CLASP1: variants seen among roughly 807,000 people sequenced by gnomAD.
The protein encoded by CLASP1 is cytoplasmic linker associated protein 1, also known as CLIP-associating protein 1.
Under a neutral mutation model 192.3 loss-of-function variants are expected in CLASP1, and 38 were observed. The ratio of observed to expected loss-of-function variants is 0.20; its 90% CI spans 0.15 to 0.26. CLASP1 has a LOEUF of 0.26. Ranked by LOEUF, CLASP1 falls within the 10% of genes least tolerant of loss-of-function variation. CLASP1 has a pLI of 1.00. For synonymous variants in CLASP1, 691 were observed against 712.8 expected, an observed-to-expected ratio of 0.97 and a Z score of 0.49; for missense variants, 1,433 against 1,932.5, an observed-to-expected ratio of 0.74 and a Z score of 4.85.
chr2:121,427,244 A>T (rs1233082042), intron 21 of CLASP1, among the ~76,000 whole-genome samples, 160 bp downstream of exon 21: 4 of 152,318 alleles, frequency 2.6e-5, no homozygotes, highest in Admixed American at 1.3e-4. Context: ...AGGGGAAAGA[A>T]ATCCATTTCA....
At chr2:121,448,859 C>G in intron 17 of CLASP1, 94 bp downstream of exon 17, 2 of 1,262,020 alleles carry the variant, frequency 1.6e-6, no homozygotes, top group Non-Finnish European at 2.2e-6. Context: ...TAACAAGCAC[C>G]CATGTAAAAA....
At chr2:121,641,576 C>G (rs111754436) in intron 1 of CLASP1, among the ~76,000 whole-genome samples, 1 of 152,086 alleles carries the variant, frequency 6.6e-6, no homozygotes, top group African/African-American at 2.4e-5. Flanking sequence ...GATTGGAAAC[C>G]AAGGAAGTAA....
chr2:121,471,040 T>C (rs1267839093), intron 8 of CLASP1, among the ~76,000 whole-genome samples: 1 of 152,218 alleles, frequency 6.6e-6, no homozygotes, highest in Admixed American at 6.5e-5. Flanking sequence ...CCTACCACTT[T>C]GGGAGGCCAA....
intron 10 of CLASP1, among the ~76,000 whole-genome samples, chr2:121,462,316 T>C (rs1178532044): frequency 1.3e-5 from 2 of 152,170 alleles, no homozygotes; most frequent in Non-Finnish European, 2.9e-5. Flanking sequence ...AACTTAATAA[T>C]AGAGCAACCA....
At chr2:121,615,396 T>C (rs1355250068) in intron 1 of CLASP1, among the ~76,000 whole-genome samples, 5 of 150,618 alleles carry the variant, frequency 3.3e-5, no homozygotes, top group Admixed American at 1.3e-4. Context: ...ATAAGTAAAA[T>C]GAGGGAGGTG....
chr2:121,541,813 G>A (rs922988505), intron 2 of CLASP1, among the ~76,000 whole-genome samples: 2 of 152,198 alleles, frequency 1.3e-5, no homozygotes, highest in Non-Finnish European at 2.9e-5. Context: ...GAGTACACAT[G>A]AGGCTAACGA....
intron 35 of CLASP1, 109 bp from the exon 37 acceptor site, chr2:121,365,393 G>C (rs12617632): frequency 2.9e-6 from 3 of 1,040,094 alleles, no homozygotes; most frequent in Non-Finnish European, 4.3e-6. Context: ...TCCCAGAGGC[G>C]ATGCCTCCTT....
chr2:121,384,108 GTATATATATATACACACATATATA>G (rs1558973394), intron 32 of CLASP1, among the ~76,000 whole-genome samples: 1 of 93,304 alleles, frequency 1.1e-5, no homozygotes, highest in African/African-American at 4.1e-5. Context: ...ACATATATAT[GTATATATATATACACACATATATA>G]TGTATATATA....
intron 22 of CLASP1, among the ~76,000 whole-genome samples, chr2:121,424,402 G>T (rs1342050937): frequency 1.3e-5 from 2 of 152,160 alleles, no homozygotes; most frequent in Non-Finnish European, 2.9e-5. Context: ...ACAGTAGTCT[G>T]ATTTTATATT....
At chr2:121,607,673 T>G (rs1274575443) in intron 1 of CLASP1, among the ~76,000 whole-genome samples, 1 of 152,306 alleles carries the variant, frequency 6.6e-6, no homozygotes, top group South Asian at 2.1e-4. Context: ...CCTGATACTG[T>G]GCCAAATTGA....
At chr2:121,591,572 C>G (rs894051504) in intron 2 of CLASP1, among the ~76,000 whole-genome samples, 5 of 152,168 alleles carry the variant, frequency 3.3e-5, no homozygotes, top group African/African-American at 1.2e-4. Context: ...GCAGGGAAGT[C>G]TCTCTTGATT....
At chr2:121,638,055 C>A (rs1035782701) in intron 1 of CLASP1, among the ~76,000 whole-genome samples, 11 of 151,914 alleles carry the variant, frequency 7.2e-5, no homozygotes, top group Admixed American at 6.6e-4. Context: ...ATTTGCAAAT[C>A]ATATATCTGA....
At position 121,433,938 on chromosome 2, in the gene CLASP1, A is replaced by AT. The variant is rs550373839; in HGVS notation, c.1913-3762dup. On this transcript the variant is annotated intron_variant, in intron 19 of 39. Transcript: ENST00000263710. ...ACTGGAATTACCTAATGTTTTTATT[A>AT]TTATTTTTTTTTGCATCTCCACTGA... Among the ~76,000 whole-genome samples, 25 of 152,174 alleles carry AT rather than the reference A, an allele frequency of 1.6e-4. 2 individuals are homozygous for AT. In the South Asian group the frequency reaches 4.8e-3, roughly 29 times the overall value.
At chr2:121,537,599 T>C (rs1219621316) in intron 2 of CLASP1, among the ~76,000 whole-genome samples, 1 of 152,130 alleles carries the variant, frequency 6.6e-6, no homozygotes, top group East Asian at 1.9e-4. Context: ...CTGCCAACAA[T>C]AAAGAAATGC....
At chr2:121,340,790 G>A (rs2062689573) in exon 40 of CLASP1, 1 of 1,154,890 alleles carries the variant, frequency 8.7e-7, no homozygotes, top group Admixed American at 2.0e-5. Context: ...AGCCGATGAA[G>A]GGGGTGGGGA....
At chr2:121,478,770 C>CCCACACACACCCCACACACACCACACA (rs2092088530) in intron 8 of CLASP1, among the ~76,000 whole-genome samples, 1 of 29,976 alleles carries the variant, frequency 3.3e-5, no homozygotes, top group African/African-American at 1.5e-4. Context: ...CACCACACAC[C>CCCACACACACCCCACACACACCACACA]CCACACACAC....
At chr2:121,410,293 T>A (rs1012488977) in intron 24 of CLASP1, among the ~76,000 whole-genome samples, 5 of 152,080 alleles carry the variant, frequency 3.3e-5, no homozygotes, top group African/African-American at 1.2e-4. Flanking sequence ...AATTAAAGGA[T>A]CCATGATCAT....
rs532634625 is a variant in CLASP1, at chr2:121,450,051, G to A, written c.1523+862C>T. ...CACACTGGCAAAAATTATTTCCAAG[G>A]CTGGACACAGTGGCTCACACCTGTA... On this transcript the variant is annotated intron_variant, in intron 16 of 39. Transcript: ENST00000263710. Among the ~76,000 whole-genome samples the A allele has an allele frequency of 3.3e-4, 51 of 152,274 alleles. 1 individual carries two copies. Among genetic ancestry groups the A allele is most frequent in the African/African-American group, 1.2e-3 (49 of 41,550 alleles).
At chr2:121,379,027 C>T (rs1279972734) in intron 33 of CLASP1, among the ~76,000 whole-genome samples, 2 of 150,360 alleles carry the variant, frequency 1.3e-5, no homozygotes, top group African/African-American at 4.9e-5. Context: ...AGAGCTCTCA[C>T]TTGGAGTGGC....
Sources: allele counts gnomAD v4.1 joint callset (sites outside exome capture counted in the v4.1 genomes callset), GRCh38; gene constraint gnomAD v4.1.1; transcripts MANE v1.5; gene names NCBI Gene and HGNC (gene_info 2026-07-23, HGNC 2026-07-21).